The following EFNA5 variants were observed in gnomAD, a reference collection of about 807,000 sequenced individuals.
EFNA5 encodes the protein ephrin A5.
EFNA5 carries 5 observed loss-of-function variants against 22.9 expected under a neutral mutation model. That is an observed-to-expected ratio of 0.22 (90% CI 0.11 to 0.46). EFNA5 has a LOEUF of 0.46. Ranked by LOEUF, EFNA5 falls within the 20% of genes least tolerant of loss-of-function variation. The pLI, the probability that EFNA5 is intolerant of heterozygous loss-of-function variation, is 0.99. For synonymous variants in EFNA5, 113 were observed against 112.2 expected, an observed-to-expected ratio of 1.01 and a Z score of -0.04; for missense variants, 237 against 293.3, an observed-to-expected ratio of 0.81 and a Z score of 1.40.
chr5:107,594,018 G>A (rs1749426618), intron 1 of EFNA5, among the ~76,000 whole-genome samples: 1 of 152,168 alleles, frequency 6.6e-6, no homozygotes. Context: ...ACAAGTCAAG[G>A]TATGTGCTTG....
At chr5:107,382,258 G>C (rs1747488450) in intron 4 of EFNA5, among the ~76,000 whole-genome samples, 2 of 152,208 alleles carry the variant, frequency 1.3e-5, no homozygotes, top group South Asian at 4.1e-4. Flanking sequence ...GAAGCAATTA[G>C]TACCAAAGAG....
At chr5:107,506,121 C>CA (rs1312834797) in intron 1 of EFNA5, 2 of 152,316 alleles carry the variant, frequency 1.3e-5, no homozygotes, top group African/African-American at 4.8e-5. Context: ...AAATGACTCC[C>CA]AGCTTAGGAC....
intron 1 of EFNA5, among the ~76,000 whole-genome samples, chr5:107,460,405 G>A (rs1395223013): frequency 1.3e-5 from 2 of 152,156 alleles, no homozygotes. Flanking sequence ...AACTATCCAT[G>A]AGTGCAAAAT....
intron 1 of EFNA5, among the ~76,000 whole-genome samples, chr5:107,594,864 C>T (rs908551423): frequency 6.6e-6 from 1 of 152,202 alleles, no homozygotes; most frequent in Non-Finnish European, 1.5e-5. Flanking sequence ...GCATTTAGGC[C>T]TTTCCATTGC....
intron 1 of EFNA5, among the ~76,000 whole-genome samples, chr5:107,476,058 T>TATATATATA: frequency 2.4e-5 from 1 of 41,078 alleles, no homozygotes; most frequent in South Asian, 8.3e-4. Context: ...ATATATATAT[T>TATATATATA]TTTTTTTTTT....
At chr5:107,640,544 G>C (rs189494746) in intron 1 of EFNA5, among the ~76,000 whole-genome samples, 3 of 152,186 alleles carry the variant, frequency 2.0e-5, no homozygotes, top group Non-Finnish European at 4.4e-5. Context: ...AGTACAGTTT[G>C]TTTATCTGGT....
At chr5:107,563,232 C>A (rs1395441756) in intron 1 of EFNA5, among the ~76,000 whole-genome samples, 1 of 152,158 alleles carries the variant, frequency 6.6e-6, no homozygotes, top group Non-Finnish European at 1.5e-5. Flanking sequence ...TAATTCCACA[C>A]TAACAGCTTA....
intron 1 of EFNA5, among the ~76,000 whole-genome samples, chr5:107,669,481 A>G (rs1222364006): frequency 1.3e-5 from 2 of 151,970 alleles, no homozygotes; most frequent in African/African-American, 4.8e-5. Context: ...GAAGCAATAA[A>G]GGTTCGGAAC....
chr5:107,513,934 C>T (rs114384492), intron 1 of EFNA5, among the ~76,000 whole-genome samples: 354 of 152,256 alleles, frequency 2.3e-3, no homozygotes, highest in Non-Finnish European at 3.9e-3. Flanking sequence ...CCTGGGTCAG[C>T]GTCGCACAGG....
intron 2 of EFNA5, among the ~76,000 whole-genome samples, chr5:107,406,766 C>T (rs1748233630): frequency 6.6e-6 from 1 of 152,126 alleles, no homozygotes; most frequent in Non-Finnish European, 1.5e-5. Flanking sequence ...GGGCCATTGC[C>T]TATTTTTTTC....
chr5:107,614,744 C>G (rs1445769729), intron 1 of EFNA5, among the ~76,000 whole-genome samples: 2 of 152,120 alleles, frequency 1.3e-5, no homozygotes, highest in Non-Finnish European at 2.9e-5. Context: ...CCAGAAGGAA[C>G]TTTTGAGTAT....
At chr5:107,669,995 G>C (rs1751153478) in intron 1 of EFNA5, among the ~76,000 whole-genome samples, 1 of 148,230 alleles carries the variant, frequency 6.7e-6, no homozygotes, top group East Asian at 2.0e-4. Context: ...CGCTCTCTCT[G>C]CGCGCACCGG....
intron 2 of EFNA5, among the ~76,000 whole-genome samples, chr5:107,398,854 C>CAAA (rs1214380627): frequency 0.19 from 12,220 of 64,700 alleles, 911 homozygotes; most frequent in East Asian, 0.33. Flanking sequence ...GACACTGCCT[C>CAAA]AAAAAAAAAA....
intron 1 of EFNA5, among the ~76,000 whole-genome samples, chr5:107,644,188 T>A (rs543534423): frequency 3.9e-5 from 6 of 152,224 alleles, no homozygotes; most frequent in African/African-American, 1.4e-4. Context: ...GGAAGGTTTT[T>A]GTGCTGGAGA....
At chr5:107,642,423 T>C (rs938335059) in intron 1 of EFNA5, among the ~76,000 whole-genome samples, 1 of 147,490 alleles carries the variant, frequency 6.8e-6, no homozygotes, top group Non-Finnish European at 1.5e-5. Context: ...TATCAAAATA[T>C]CATTTTGTAG....
At chr5:107,427,172 G>C (rs746537018) in intron 2 of EFNA5, 45 bp downstream of exon 2, 4 of 1,608,570 alleles carry the variant, frequency 2.5e-6, no homozygotes, top group Non-Finnish European at 3.4e-6. Context: ...ATTAGTCTGG[G>C]TTCTTGCAGC....
intron 1 of EFNA5, among the ~76,000 whole-genome samples, chr5:107,494,936 G>C (rs1746932842): frequency 6.6e-6 from 1 of 152,066 alleles, no homozygotes; most frequent in Non-Finnish European, 1.5e-5. Context: ...GTCTAGCTCT[G>C]TATCTAGCTA....
chr5:107,629,293 T>C (rs1750195866), intron 1 of EFNA5, among the ~76,000 whole-genome samples: 1 of 152,140 alleles, frequency 6.6e-6, no homozygotes, highest in African/African-American at 2.4e-5. Context: ...GAGAAAAATA[T>C]GAAACTGTAT....
intron 1 of EFNA5, among the ~76,000 whole-genome samples, chr5:107,482,893 T>C (rs1047852515): frequency 8.9e-4 from 125 of 140,022 alleles, no homozygotes; most frequent in African/African-American, 2.6e-3. Context: ...TATATATATA[T>C]ACATACATAT....
Sources: gnomAD v4.1 joint callset for allele counts (sites outside exome capture counted in the v4.1 genomes callset) on GRCh38, gnomAD v4.1.1 for gene constraint, MANE v1.5 for transcripts, NCBI Gene and HGNC (gene_info 2026-07-23, HGNC 2026-07-21) for gene names.